The following IL1RAPL2 variants were observed in gnomAD, a reference collection of about 807,000 sequenced individuals.
IL1RAPL2 encodes X-linked interleukin-1 receptor accessory protein-like 2.
In IL1RAPL2, 3 loss-of-function variants were observed where a neutral mutation model predicts 44.1. The observed-to-expected ratio is 0.07, with a 90% CI of 0.03 to 0.18. The LOEUF (loss-of-function observed/expected upper bound fraction) is 0.18, where lower values mean the gene tolerates loss of function less well. IL1RAPL2 is among the 10% of genes least tolerant of loss of function. IL1RAPL2 has a pLI of 1.00. For synonymous variants in IL1RAPL2, 181 were observed against 178.8 expected (o/e 1.01, Z -0.10); for missense variants, 391 against 496.4 (o/e 0.79, Z 2.02).
intron 5 of IL1RAPL2, among the ~76,000 whole-genome samples, chrX:105,372,480 T>G (rs1402971240): frequency 9.9e-5 from 11 of 110,579 alleles, no homozygotes; most frequent in African/African-American, 3.6e-4. Context: ...TGTGGGTTCC[T>G]AAAACTTTTT....
chrX:104,576,748 T>A lies in IL1RAPL2; in HGVS notation c.-20+9697T>A, dbSNP rs369397291. Among the ~76,000 whole-genome samples the A allele has an allele frequency of 3.9e-4, 44 of 111,949 alleles. No homozygotes were observed. The East Asian group carries it at 5.6e-3, about 14-fold the overall frequency. On this transcript the variant is annotated intron_variant, in intron 1 of 10. Coordinates refer to ENST00000372582, the MANE Select transcript of IL1RAPL2 (RefSeq NM_017416.2). The stretch of plus-strand genomic sequence containing the variant: ...TCCTTTTGCTAATATCTTCATCTGA[T>A]TCTAGACTCATTATCTTGTCACTAA...
At position 105,693,829 on chromosome X, in the gene IL1RAPL2, C is replaced by T. The variant is rs113482884; in HGVS notation, c.773-23538C>T. Among the ~76,000 whole-genome samples the T allele has an allele frequency of 7.3e-3, 807 of 110,814 alleles. 6 individuals are homozygous for T. Among genetic ancestry groups the T allele is most frequent in the African/African-American group, 0.025 (752 of 30,452 alleles). Reference sequence around the variant, plus strand: ...ATGCTACAATGATGGCTTTGAAGCTCGAGGAAGCTGGGCCATGAACCAAGG... The same window carrying T: ...ATGCTACAATGATGGCTTTGAAGCTTGAGGAAGCTGGGCCATGAACCAAGG... On this transcript the variant is annotated intron_variant, in intron 6 of 10. Coordinates refer to ENST00000372582, the MANE Select transcript of IL1RAPL2 (RefSeq NM_017416.2).
chrX:104,796,699 T>C (rs1275047589), intron 2 of IL1RAPL2, among the ~76,000 whole-genome samples: 1 of 112,334 alleles, frequency 8.9e-6, no homozygotes, highest in Non-Finnish European at 1.9e-5. Flanking sequence ...ACAAAGAAAT[T>C]CCTGGGTTAG....
At chrX:105,609,836 T>A (rs921402542) in intron 6 of IL1RAPL2, among the ~76,000 whole-genome samples, 3 of 111,739 alleles carry the variant, frequency 2.7e-5, no homozygotes, top group African/African-American at 6.5e-5. Flanking sequence ...TTTTCAAAGC[T>A]GGTATGATTC....
intron 5 of IL1RAPL2, among the ~76,000 whole-genome samples, chrX:105,462,488 A>G (rs1421678189): frequency 9.0e-6 from 1 of 111,460 alleles, no homozygotes; most frequent in African/African-American, 3.3e-5. Flanking sequence ...CTTATTTATT[A>G]CAAAAGACAC....
At chrX:105,198,148 T>C (rs1238542785) in intron 3 of IL1RAPL2, among the ~76,000 whole-genome samples, 1 of 111,988 alleles carries the variant, frequency 8.9e-6, no homozygotes, top group Non-Finnish European at 1.9e-5. Context: ...CAGTCTACCG[T>C]TGATGGGCAT....
rs143375998 is a variant in IL1RAPL2 at position 105,182,676 on chromosome X, T to G, written c.83-12799T>G. ...GTATTCCTGTCATTTTATTAATTGT[T>G]TTCTGGTTGTTTTGTATGTGTCTTG... On this transcript the variant is annotated intron_variant, in intron 2 of 10. Coordinates refer to ENST00000372582, the MANE Select transcript of IL1RAPL2 (RefSeq NM_017416.2). Among the ~76,000 whole-genome samples, 216 of 111,888 alleles carry G rather than the reference T, an allele frequency of 1.9e-3. 2 individuals carry two copies. The highest frequency in any genetic ancestry group is 3.1e-3 in the Non-Finnish European group (166 of 53,206).
chrX:105,152,627 G>A (rs747876710), intron 2 of IL1RAPL2, among the ~76,000 whole-genome samples: 2 of 112,134 alleles, frequency 1.8e-5, no homozygotes, highest in Non-Finnish European at 3.8e-5. Context: ...AATTTAATGA[G>A]TTTGAATGTC....
chrX:105,563,607 G>A (rs1489020390), intron 6 of IL1RAPL2, among the ~76,000 whole-genome samples: 2 of 111,917 alleles, frequency 1.8e-5, no homozygotes, highest in East Asian at 5.6e-4. Context: ...TAGTTATTTT[G>A]CAGATGAGAA....
In IL1RAPL2 at chrX:104,905,009, A is replaced by G. The variant is rs1341862729; in HGVS notation, c.82+246014A>G. On this transcript the variant is annotated intron_variant, in intron 2 of 10. Coordinates refer to ENST00000372582, the MANE Select transcript of IL1RAPL2 (RefSeq NM_017416.2). ...TGATTGCCATTCTAACTGGTGTGAG[A>G]TGGTATCTCATTGTGGTTTTGATTT... Among the ~76,000 whole-genome samples the G allele has an allele frequency of 1.4e-3, 158 of 110,565 alleles. 1 individual carries two copies. The highest frequency in any genetic ancestry group is 4.8e-3 in the African/African-American group (146 of 30,489).
chrX:105,059,302 A>G (rs1416158900), intron 2 of IL1RAPL2, among the ~76,000 whole-genome samples: 1 of 111,680 alleles, frequency 9.0e-6, no homozygotes, highest in African/African-American at 3.3e-5. Context: ...TTTGGTAACC[A>G]TCATTCTACT....
At chrX:105,072,707 G>T (rs1161856209) in intron 2 of IL1RAPL2, among the ~76,000 whole-genome samples, 1 of 110,412 alleles carries the variant, frequency 9.1e-6, no homozygotes, top group Non-Finnish European at 1.9e-5. Flanking sequence ...TGTTACATAG[G>T]TATACACGTG....
chrX:104,888,757 C>A (rs1923331599), intron 2 of IL1RAPL2, among the ~76,000 whole-genome samples: 1 of 109,904 alleles, frequency 9.1e-6, no homozygotes, highest in African/African-American at 3.3e-5. Flanking sequence ...ACTTAACCTA[C>A]TACCCTAGTT....
intron 6 of IL1RAPL2, among the ~76,000 whole-genome samples, chrX:105,510,987 G>A (rs1569449202): frequency 9.0e-6 from 1 of 111,674 alleles, no homozygotes; most frequent in Non-Finnish European, 1.9e-5. Flanking sequence ...TGCACTGAAA[G>A]AGGAACCAAC....
chrX:105,401,532 T>G (rs1371347264), intron 5 of IL1RAPL2, among the ~76,000 whole-genome samples: 2 of 111,016 alleles, frequency 1.8e-5, no homozygotes, highest in Non-Finnish European at 3.8e-5. Context: ...AAGCAGAGTT[T>G]TATAGGGATA....
At position 104,946,253 on chromosome X, in the gene IL1RAPL2, G is replaced by A. The variant is rs1281409045; in HGVS notation, c.83-249222G>A. ...CCAGGCGCGGTGGCGGGCGCCTGTA[G>A]TCCCAGCTACTCGGGAGGCTGAGGC... On this transcript the variant is annotated intron_variant, in intron 2 of 10. Transcript: ENST00000372582. Among the ~76,000 whole-genome samples the A allele has an allele frequency of 7.1e-5, 7 of 99,139 alleles. No homozygotes were observed. In the South Asian group the frequency reaches 3.5e-3, roughly 49 times the overall value. The allele number at this position is 99,139 out of a possible 115,157, so 86.1% of individuals were successfully genotyped here. A position where few individuals can be genotyped will look rare whatever the true frequency, so the allele number is the denominator to read the frequency against.
chrX:105,051,830 A>T (rs1200244085), intron 2 of IL1RAPL2, among the ~76,000 whole-genome samples: 1 of 112,389 alleles, frequency 8.9e-6, no homozygotes, highest in African/African-American at 3.2e-5. Context: ...GAACACATGA[A>T]CACAGAGAGG....
At chrX:105,358,187 A>G (rs553777411) in intron 5 of IL1RAPL2, among the ~76,000 whole-genome samples, 1 of 110,610 alleles carries the variant, frequency 9.0e-6, no homozygotes, top group Admixed American at 9.7e-5. Flanking sequence ...AGCCAATGCA[A>G]ATTTGCAGGC....
At chrX:104,860,759 AC>A (rs1246603317) in intron 2 of IL1RAPL2, among the ~76,000 whole-genome samples, 6 of 111,045 alleles carry the variant, frequency 5.4e-5, no homozygotes, top group Non-Finnish European at 1.1e-4. Flanking sequence ...GGGATGCTCA[AC>A]TTGTATATGA....
Sources: allele counts gnomAD v4.1 joint callset (sites outside exome capture counted in the v4.1 genomes callset), GRCh38; gene constraint gnomAD v4.1.1; transcripts MANE v1.5; gene names NCBI Gene and HGNC (gene_info 2026-07-23, HGNC 2026-07-21).